FGF12: variants seen among roughly 807,000 people sequenced by gnomAD.
FGF12 encodes the protein fibroblast growth factor 12.
A neutral mutation model predicts 23.6 loss-of-function variants in FGF12; 14 were observed. The ratio of observed to expected loss-of-function variants is 0.59; its 90% confidence interval spans 0.39 to 0.93. The LOEUF (loss-of-function observed/expected upper bound fraction) is 0.93. Among genes scored for constraint, FGF12 ranks in the 40% least tolerant of loss-of-function variants. The pLI, the probability that FGF12 is intolerant of heterozygous loss-of-function variation, is 0.00. For missense variants in FGF12, 175 were observed against 217.8 expected (o/e 0.80, Z 1.24); for synonymous variants, 62 against 77.3 (o/e 0.80, Z 1.04).
chr3:192,160,853 T>A lies in FGF12; in HGVS notation c.427+9605A>T, dbSNP rs1714829925. On this transcript the variant is annotated intron_variant, in intron 5 of 5. Transcript: ENST00000445105. ...CAGTGAATCTTTACTTTATCTAAGG[T>A]CCTAAACTTGGGCTGAGTTCCCTGA... 3.3e-5 allele frequency among the ~76,000 whole-genome samples: 5 copies of A among 152,218 alleles called. No homozygotes were observed. The South Asian group carries it at 1.0e-3, about 32-fold the overall frequency.
At chr3:192,571,803 C>T (rs192737544) in intron 2 of FGF12, among the ~76,000 whole-genome samples, 2 of 152,286 alleles carry the variant, frequency 1.3e-5, no homozygotes, top group Admixed American at 1.3e-4. Context: ...CAGCAGCAGC[C>T]CCAGCAGCAA....
chr3:192,300,715 G>A (rs1376832686), intron 4 of FGF12, among the ~76,000 whole-genome samples: 2 of 151,988 alleles, frequency 1.3e-5, no homozygotes, highest in Non-Finnish European at 2.9e-5. Flanking sequence ...GGCACAAAAC[G>A]GTTAAGAATC....
intron 2 of FGF12, among the ~76,000 whole-genome samples, chr3:192,635,238 T>C (rs1338462846): frequency 6.6e-6 from 1 of 152,212 alleles, no homozygotes; most frequent in Non-Finnish European, 1.5e-5. Flanking sequence ...TTTTAAAAGA[T>C]AGAGCTATAA....
intron 2 of FGF12, among the ~76,000 whole-genome samples, chr3:192,397,305 A>G (rs1720567077): frequency 6.6e-6 from 1 of 152,226 alleles, no homozygotes; most frequent in Non-Finnish European, 1.5e-5. Context: ...AGGTGAGGCA[A>G]GGAGGCAATG....
chr3:192,360,338 G>T lies in FGF12; in HGVS notation c.124+90C>A. On this transcript the variant is annotated intron_variant, in intron 3 of 5. Transcript: ENST00000445105. The surrounding 1 kb of genome is among the most constrained non-coding windows in gnomAD (Gnocchi z 4.3). ...TAAATAGTTTGAAAGGCATAGTTTGGTAAGGCAGCTTAGCAATGCTTTAAG... is the reference window on the plus strand; with the variant it reads ...TAAATAGTTTGAAAGGCATAGTTTGTTAAGGCAGCTTAGCAATGCTTTAAG... 1.2e-6 allele frequency: 1 copy of T among 863,624 alleles called. No individual in the cohort carries two copies. The highest frequency in any genetic ancestry group is 1.9e-6 in the Non-Finnish European group (1 of 517,640). 53.5% of individuals were successfully genotyped at this position (863,624 alleles called of 1,614,324 possible).
intron 2 of FGF12, among the ~76,000 whole-genome samples, chr3:192,429,588 G>C (rs1721798564): frequency 1.3e-5 from 2 of 152,004 alleles, no homozygotes; most frequent in Admixed American, 1.3e-4. Flanking sequence ...TTACCCAAAA[G>C]GCCAAGTGTA....
intron 2 of FGF12, among the ~76,000 whole-genome samples, chr3:192,620,950 G>A (rs1714954575): frequency 6.6e-6 from 1 of 152,082 alleles, no homozygotes; most frequent in Admixed American, 6.6e-5. Context: ...TGTAAAGTTG[G>A]AGAATTAACT....
At chr3:192,365,875 G>A (rs1718958761) in intron 2 of FGF12, among the ~76,000 whole-genome samples, 2 of 151,652 alleles carry the variant, frequency 1.3e-5, no homozygotes, top group African/African-American at 4.9e-5. Flanking sequence ...CAGAGCCAAG[G>A]GGTCCTGGTC....
chr3:192,554,866 G>C (rs557752236), intron 2 of FGF12, among the ~76,000 whole-genome samples: 1 of 152,016 alleles, frequency 6.6e-6, no homozygotes, highest in Non-Finnish European at 1.5e-5. Context: ...AGAAAGTTTG[G>C]AATGAAAGAA....
chr3:192,163,629 A>C (rs9815635), intron 5 of FGF12, among the ~76,000 whole-genome samples: 68,937 of 151,902 alleles, frequency 0.45, 17,428 homozygotes, highest in Non-Finnish European at 0.57. Context: ...TAGGTCATAC[A>C]TAGGTTTCAA....
chr3:192,614,065 T>C (rs1714656147), intron 2 of FGF12, among the ~76,000 whole-genome samples: 1 of 151,958 alleles, frequency 6.6e-6, no homozygotes, highest in Non-Finnish European at 1.5e-5. Context: ...ACATTGTTAT[T>C]CATCTCTCCT....
chr3:192,209,919 A>G (rs1384563774), intron 4 of FGF12, among the ~76,000 whole-genome samples: 2 of 152,212 alleles, frequency 1.3e-5, no homozygotes, highest in African/African-American at 2.4e-5. Context: ...CATGTTGTAT[A>G]CCATTCACTA....
chr3:192,358,082 TATG>T (rs751395030), intron 3 of FGF12, among the ~76,000 whole-genome samples: 1 of 151,830 alleles, frequency 6.6e-6, no homozygotes, highest in East Asian at 1.9e-4. Flanking sequence ...AAAATATATT[TATG>T]ATAATGTTCT....
At chr3:192,374,999 A>T (rs1284556609) in intron 2 of FGF12, among the ~76,000 whole-genome samples, 1 of 152,198 alleles carries the variant, frequency 6.6e-6, no homozygotes, top group Admixed American at 6.5e-5. Flanking sequence ...TTTGGGAGGT[A>T]GCCTTCCTAT....
chr3:192,602,342 G>C (rs540196179), intron 2 of FGF12, among the ~76,000 whole-genome samples: 6 of 152,226 alleles, frequency 3.9e-5, no homozygotes, highest in African/African-American at 1.4e-4. Context: ...ACAGCTGGCT[G>C]GGTCATGGGT....
At chr3:192,338,857 T>C (rs999798413) in intron 3 of FGF12, among the ~76,000 whole-genome samples, 2 of 152,196 alleles carry the variant, frequency 1.3e-5, no homozygotes, top group Non-Finnish European at 2.9e-5. Flanking sequence ...TACTTCATTT[T>C]AAATAAAAGC....
chr3:192,246,777 A>T (rs1462724488), intron 4 of FGF12, among the ~76,000 whole-genome samples: 1 of 145,900 alleles, frequency 6.9e-6, no homozygotes, highest in South Asian at 2.4e-4. Flanking sequence ...GTGAGCCAAG[A>T]TTGTGCCACT....
At chr3:192,256,223 G>T (rs1712376298) in intron 4 of FGF12, among the ~76,000 whole-genome samples, 1 of 151,932 alleles carries the variant, frequency 6.6e-6, no homozygotes, top group Admixed American at 6.6e-5. Context: ...TTATAAATAT[G>T]CATAATTTTA....
intron 2 of FGF12, among the ~76,000 whole-genome samples, chr3:192,369,746 AGAT>A (rs1183750421): frequency 6.6e-6 from 1 of 152,248 alleles, no homozygotes; most frequent in African/African-American, 2.4e-5. Flanking sequence ...CTGGGTACAA[AGAT>A]GAGTAAGATG....
Sources: allele counts gnomAD v4.1 joint callset (sites outside exome capture counted in the v4.1 genomes callset), GRCh38; gene constraint gnomAD v4.1.1; non-coding constraint Gnocchi (gnomAD v3.1); transcripts MANE v1.5; gene names NCBI Gene and HGNC (gene_info 2026-07-23, HGNC 2026-07-21).